The following SPIDR variants were observed in gnomAD, a reference collection of about 807,000 sequenced individuals.
The protein encoded by SPIDR is DNA repair-scaffolding protein.
Under a neutral mutation model 104.6 loss-of-function variants are expected in SPIDR, and 93 were observed. The ratio of observed to expected loss-of-function variants is 0.89; its 90% confidence interval spans 0.75 to 1.06. The LOEUF is 1.06. Ranked by LOEUF, SPIDR falls within the 50% of genes least tolerant of loss-of-function variation. SPIDR has a pLI of 0.00. For synonymous variants in SPIDR, 431 were observed against 416.9 expected, an observed-to-expected ratio of 1.03 and a Z score of -0.41; for missense variants, 1,154 against 1,111.2, an observed-to-expected ratio of 1.04 and a Z score of -0.55.
intron 5 of SPIDR, among the ~76,000 whole-genome samples, chr8:47,381,301 A>G (rs570372731): frequency 2.8e-4 from 43 of 152,312 alleles, no homozygotes; most frequent in South Asian, 6.2e-4. Context: ...AACCAAATCT[A>G]TTGACCTGTC....
intron 8 of SPIDR, among the ~76,000 whole-genome samples, chr8:47,492,003 G>C (rs1166212654): frequency 6.6e-6 from 1 of 152,210 alleles, no homozygotes; most frequent in Non-Finnish European, 1.5e-5. Flanking sequence ...AGGTGACGCT[G>C]TCTTATGGTT....
intron 5 of SPIDR, among the ~76,000 whole-genome samples, chr8:47,392,177 A>G (rs1473511505): frequency 6.6e-6 from 1 of 152,142 alleles, no homozygotes; most frequent in Non-Finnish European, 1.5e-5. Flanking sequence ...TGCATCTCCA[A>G]TTTGAAGATG....
At chr8:47,429,252 G>C (rs538694883) in intron 7 of SPIDR, among the ~76,000 whole-genome samples, 1 of 152,310 alleles carries the variant, frequency 6.6e-6, no homozygotes, top group Non-Finnish European at 1.5e-5. Context: ...AATAGAGGAA[G>C]GGGTACTTAA....
intron 5 of SPIDR, among the ~76,000 whole-genome samples, chr8:47,317,346 C>G (rs35736883): frequency 2.0e-5 from 3 of 152,206 alleles, no homozygotes; most frequent in East Asian, 1.9e-4. Flanking sequence ...TGCGGAGCCT[C>G]GCTCATTGCT....
intron 16 of SPIDR, 133 bp from the exon 17 acceptor site, chr8:47,727,067 G>C (rs2084354897): frequency 1.4e-5 from 9 of 628,076 alleles, no homozygotes; most frequent in Non-Finnish European, 2.6e-5. Flanking sequence ...AAAATCTTAG[G>C]AACATGTATA....
At chr8:47,306,834 T>C (rs919018042) in intron 5 of SPIDR, among the ~76,000 whole-genome samples, 1 of 152,370 alleles carries the variant, frequency 6.6e-6, no homozygotes, top group East Asian at 1.9e-4. Flanking sequence ...CATGTATTCA[T>C]ATATAATGTC....
chr8:47,361,490 G>A (rs2055926290), intron 5 of SPIDR, among the ~76,000 whole-genome samples: 1 of 152,190 alleles, frequency 6.6e-6, no homozygotes, highest in African/African-American at 2.4e-5. Flanking sequence ...AGGCAGGTAG[G>A]AACCAAAACC....
At chr8:47,422,836 C>A (rs1348975172) in intron 7 of SPIDR, among the ~76,000 whole-genome samples, 1 of 152,096 alleles carries the variant, frequency 6.6e-6, no homozygotes, top group African/African-American at 2.4e-5. Flanking sequence ...GTCAGTTTTT[C>A]CTTTGTTCCC....
At chr8:47,676,993 G>A (rs1470950427) in intron 11 of SPIDR, among the ~76,000 whole-genome samples, 1 of 152,226 alleles carries the variant, frequency 6.6e-6, no homozygotes, top group East Asian at 1.9e-4. Flanking sequence ...CTGGTCAGAG[G>A]AAGAAGAGTC....
chr8:47,355,846 C>T (rs1275043934), intron 5 of SPIDR, among the ~76,000 whole-genome samples: 1 of 152,190 alleles, frequency 6.6e-6, no homozygotes, highest in African/African-American at 2.4e-5. Context: ...AAAACCTTTT[C>T]CTGTTAAATT....
intron 14 of SPIDR, among the ~76,000 whole-genome samples, chr8:47,711,454 C>G (rs1243809927): frequency 6.6e-6 from 1 of 152,074 alleles, no homozygotes; most frequent in Non-Finnish European, 1.5e-5. Flanking sequence ...CTCCTGAGCT[C>G]AAGCGATGCC....
intron 6 of SPIDR, among the ~76,000 whole-genome samples, chr8:47,399,653 C>T (rs181618826): frequency 5.9e-5 from 9 of 152,218 alleles, no homozygotes; most frequent in Middle Eastern, 3.4e-3. Context: ...AGTGTGGATT[C>T]GACCCTTGGG....
At chr8:47,524,906 A>G (rs1273459468) in intron 8 of SPIDR, among the ~76,000 whole-genome samples, 2 of 152,220 alleles carry the variant, frequency 1.3e-5, no homozygotes, top group Non-Finnish European at 1.5e-5. Context: ...TTCTGATACA[A>G]TTTAGTAAAA....
intron 5 of SPIDR, among the ~76,000 whole-genome samples, chr8:47,367,497 T>C (rs1274409188): frequency 6.6e-6 from 1 of 152,214 alleles, no homozygotes; most frequent in Non-Finnish European, 1.5e-5. Flanking sequence ...AGCCACTAAG[T>C]TTGCGGTAAT....
intron 8 of SPIDR, among the ~76,000 whole-genome samples, chr8:47,497,084 T>C (rs1051079884): frequency 2.0e-5 from 3 of 152,050 alleles, no homozygotes; most frequent in Admixed American, 2.0e-4. Flanking sequence ...ATTTTCACAA[T>C]TTGAGCCTTC....
intron 16 of SPIDR, among the ~76,000 whole-genome samples, chr8:47,719,305 G>A (rs1019679315): frequency 1.3e-5 from 2 of 152,026 alleles, no homozygotes; most frequent in Non-Finnish European, 2.9e-5. Flanking sequence ...TCAGGAGATC[G>A]AGACCATCCT....
At chr8:47,579,280 A>T (rs1475399970) in intron 8 of SPIDR, among the ~76,000 whole-genome samples, 2 of 152,234 alleles carry the variant, frequency 1.3e-5, no homozygotes, top group African/African-American at 4.8e-5. Context: ...AGTCACTGAG[A>T]TATCGTAGCC....
intron 10 of SPIDR, among the ~76,000 whole-genome samples, chr8:47,638,585 G>C (rs1193267975): frequency 1.3e-5 from 2 of 152,188 alleles, no homozygotes; most frequent in African/African-American, 4.8e-5. Flanking sequence ...CCCAGGAAAA[G>C]ATCCTTTTCT....
intron 8 of SPIDR, among the ~76,000 whole-genome samples, chr8:47,441,650 T>C (rs1475694225): frequency 6.6e-6 from 1 of 152,218 alleles, no homozygotes; most frequent in Non-Finnish European, 1.5e-5. Context: ...CTTTTCTGTT[T>C]TTCTGTGGTT....
Sources: allele counts gnomAD v4.1 joint callset (sites outside exome capture counted in the v4.1 genomes callset), GRCh38; gene constraint gnomAD v4.1.1; transcripts MANE v1.5; gene names NCBI Gene and HGNC (gene_info 2026-07-23, HGNC 2026-07-21).